The following ASIC2 variants were observed in gnomAD, a reference collection of about 807,000 sequenced individuals.
ASIC2 encodes the protein acid sensing ion channel subunit 2.
ASIC2 carries 25 observed loss-of-function variants against 57.3 expected under a neutral mutation model. The observed-to-expected ratio is 0.44, with a 90% CI of 0.32 to 0.61. ASIC2 has a LOEUF of 0.61. ASIC2 is among the 20% of genes least tolerant of loss of function. ASIC2 has a pLI of 0.06. For synonymous variants in ASIC2, 319 were observed against 307.5 expected, an observed-to-expected ratio of 1.04 and a Z score of -0.39; for missense variants, 641 against 738.1, an observed-to-expected ratio of 0.87 and a Z score of 1.52.
chr17:33,124,385 C>CTGTA (rs1483188939), intron 1 of ASIC2, among the ~76,000 whole-genome samples: 27 of 152,192 alleles, frequency 1.8e-4, no homozygotes, highest in Admixed American at 1.6e-3. Flanking sequence ...TGCATGATGC[C>CTGTA]ACTCTCCTTT....
At position 33,344,481 on chromosome 17, in the gene ASIC2, A is replaced by C. The variant is rs150888700; in HGVS notation, c.556-232414T>G. 3.9e-5 allele frequency among the ~76,000 whole-genome samples: 6 copies of C among 152,296 alleles called. No individual in the cohort carries two copies. In the East Asian group the frequency reaches 1.2e-3, roughly 29 times the overall value. On this transcript the variant is annotated intron_variant, in intron 1 of 9. Transcript: ENST00000359872. ...GGAATCAGCTTCTAGTGAAGGAAGA[A>C]CCTGGTCAGAACAACTGAATTATAA...
intron 1 of ASIC2, among the ~76,000 whole-genome samples, chr17:33,335,952 G>T (rs1907498129): frequency 1.3e-5 from 2 of 152,126 alleles, no homozygotes; most frequent in Non-Finnish European, 2.9e-5. Flanking sequence ...CTTTGAATAG[G>T]GGTGATATTT....
intron 1 of ASIC2, among the ~76,000 whole-genome samples, chr17:33,116,669 G>A (rs1206216435): frequency 1.3e-5 from 2 of 152,148 alleles, no homozygotes; most frequent in African/African-American, 4.8e-5. Context: ...ATAAAAATAA[G>A]TCCCACAACT....
intron 1 of ASIC2, among the ~76,000 whole-genome samples, chr17:34,049,932 C>T (rs1009647508): frequency 6.6e-6 from 1 of 152,194 alleles, no homozygotes; most frequent in Non-Finnish European, 1.5e-5. Context: ...GACTCCTCAA[C>T]TGTGAGAGCA....
chr17:33,581,842 T>C (rs1351148957), intron 1 of ASIC2, among the ~76,000 whole-genome samples: 1 of 152,208 alleles, frequency 6.6e-6, no homozygotes, highest in Non-Finnish European at 1.5e-5. Context: ...CCTTTGCTAC[T>C]CTGGAGCGGG....
intron 1 of ASIC2, among the ~76,000 whole-genome samples, chr17:33,839,802 C>T (rs908208223): frequency 6.6e-6 from 1 of 152,170 alleles, no homozygotes; most frequent in Non-Finnish European, 1.5e-5. Flanking sequence ...CACCCAGCAG[C>T]AGCAGCAGCA....
At chr17:33,147,429 C>T (rs1401796435) in intron 1 of ASIC2, among the ~76,000 whole-genome samples, 2 of 152,190 alleles carry the variant, frequency 1.3e-5, no homozygotes, top group Admixed American at 6.5e-5. Flanking sequence ...TCTAGAAAGA[C>T]AGGTGGGCTG....
At chr17:33,291,209 T>G (rs1317128139) in intron 1 of ASIC2, 199 bp downstream of exon 1, 2 of 1,200,448 alleles carry the variant, frequency 1.7e-6, no homozygotes, top group East Asian at 5.6e-5. Context: ...GGGAGGCGAC[T>G]CCTCCTACAG....
At chr17:33,717,391 G>A (rs1030807628) in intron 1 of ASIC2, among the ~76,000 whole-genome samples, 4 of 152,190 alleles carry the variant, frequency 2.6e-5, no homozygotes, top group Non-Finnish European at 5.9e-5. Flanking sequence ...GTTAGCACAT[G>A]GTCTGACTAT....
At chr17:33,186,236 G>C (rs544682853) in intron 1 of ASIC2, among the ~76,000 whole-genome samples, 1 of 151,940 alleles carries the variant, frequency 6.6e-6, no homozygotes, top group Non-Finnish European at 1.5e-5. Flanking sequence ...TCAGACTCTC[G>C]AGTAGCTGGG....
intron 1 of ASIC2, chr17:33,689,275 T>C (rs1312146930): frequency 1.3e-5 from 2 of 152,272 alleles, no homozygotes; most frequent in Non-Finnish European, 2.9e-5. Context: ...CTCACTATGC[T>C]GCCCAGGATG....
intron 1 of ASIC2, among the ~76,000 whole-genome samples, chr17:33,319,819 C>A (rs536676611): frequency 1.3e-5 from 2 of 152,318 alleles, no homozygotes; most frequent in South Asian, 4.1e-4. Flanking sequence ...GAGGCATGAG[C>A]CACTGTGCCT....
chr17:33,521,862 C>A (rs1914751025), intron 1 of ASIC2, among the ~76,000 whole-genome samples: 1 of 152,196 alleles, frequency 6.6e-6, no homozygotes, highest in South Asian at 2.1e-4. Flanking sequence ...CAAGAGGGGA[C>A]CCAGGCTGTT....
chr17:34,102,638 T>C (rs1910907415), intron 1 of ASIC2, among the ~76,000 whole-genome samples: 1 of 152,176 alleles, frequency 6.6e-6, no homozygotes, highest in South Asian at 2.1e-4. Flanking sequence ...CCCATGTTAT[T>C]CCATGTATCA....
intron 1 of ASIC2, among the ~76,000 whole-genome samples, chr17:33,881,763 A>C (rs1249529750): frequency 6.6e-6 from 1 of 152,180 alleles, no homozygotes; most frequent in Non-Finnish European, 1.5e-5. Context: ...AAACTACTTT[A>C]AAGTTCATAT....
chr17:33,044,138 T>C (rs967595709), intron 3 of ASIC2, among the ~76,000 whole-genome samples: 5 of 152,170 alleles, frequency 3.3e-5, no homozygotes, highest in Non-Finnish European at 7.3e-5. Context: ...GCTCTAGATA[T>C]GCCTCTGGAG....
intron 1 of ASIC2, among the ~76,000 whole-genome samples, chr17:33,529,144 TG>T (rs1379076142): frequency 6.6e-6 from 1 of 152,210 alleles, no homozygotes; most frequent in Non-Finnish European, 1.5e-5. Flanking sequence ...GGGGACATCT[TG>T]GGTTTGGACT....
intron 1 of ASIC2, among the ~76,000 whole-genome samples, chr17:33,310,223 G>A (rs952269800): frequency 2.6e-5 from 4 of 151,778 alleles, no homozygotes; most frequent in African/African-American, 9.7e-5. Flanking sequence ...TTGGGGGCAG[G>A]GCAAAGTGGT....
chr17:33,044,654 C>T (rs560447690), intron 3 of ASIC2, among the ~76,000 whole-genome samples: 1 of 152,342 alleles, frequency 6.6e-6, no homozygotes, highest in South Asian at 2.1e-4. Context: ...AGCCACCACG[C>T]CTGGCCCCAA....
Sources: gnomAD v4.1 joint callset for allele counts (sites outside exome capture counted in the v4.1 genomes callset) on GRCh38, gnomAD v4.1.1 for gene constraint, MANE v1.5 for transcripts, NCBI Gene and HGNC (gene_info 2026-07-23, HGNC 2026-07-21) for gene names.